Variants in SLC17A6 observed in about 807,000 individuals in gnomAD.
SLC17A6 encodes solute carrier family 17 member 6, also known as vesicular glutamate transporter 2.
SLC17A6 carries 35 observed loss-of-function variants against 67.1 expected under a neutral mutation model. That is an observed-to-expected ratio of 0.52 (90% CI 0.40 to 0.69). The LOEUF is 0.69. SLC17A6 is among the 30% of genes least tolerant of loss of function. The probability of loss-of-function intolerance (pLI) is 0.00; values close to 1 mark genes in which losing one functional copy is unlikely to be tolerated. For missense variants in SLC17A6, 588 were observed against 723.9 expected, an observed-to-expected ratio of 0.81 and a Z score of 2.15; for synonymous variants, 285 against 252.3, an observed-to-expected ratio of 1.13 and a Z score of -1.23.
At chr11:22,355,694 A>G (rs1378155060) in intron 3 of SLC17A6, among the ~76,000 whole-genome samples, 1 of 152,138 alleles carries the variant, frequency 6.6e-6, no homozygotes, top group African/African-American at 2.4e-5. Context: ...TCCTTCTCCT[A>G]AGAACCTGAG....
intron 2 of SLC17A6, 118 bp from the exon 3 acceptor site, chr11:22,343,129 C>G (rs1339327498): frequency 1.2e-6 from 1 of 827,558 alleles, no homozygotes; most frequent in Non-Finnish European, 2.0e-6. Context: ...CACTCTTATC[C>G]CCAGAATGCA....
At chr11:22,369,918 TCTTCCTA>T in intron 7 of SLC17A6, 114 bp from the exon 8 acceptor site, 1 of 850,782 alleles carries the variant, frequency 1.2e-6, no homozygotes, top group South Asian at 1.8e-5. Context: ...CTTCACTACA[TCTTCCTA>T]CTTCCTACTT....
At chr11:22,369,629 G>A (rs895171296) in intron 7 of SLC17A6, among the ~76,000 whole-genome samples, 1 of 151,620 alleles carries the variant, frequency 6.6e-6, no homozygotes, top group Non-Finnish European at 1.5e-5. Context: ...GATTTTCAAC[G>A]TTTTAAATGA....
At chr11:22,347,783 A>G (rs1469310766) in intron 3 of SLC17A6, among the ~76,000 whole-genome samples, 3 of 152,222 alleles carry the variant, frequency 2.0e-5, no homozygotes, top group African/African-American at 4.8e-5. Flanking sequence ...GATTCAGTAC[A>G]TCCAATCTTT....
At chr11:22,372,410 ATATAT>A (rs1449209096) in intron 8 of SLC17A6, among the ~76,000 whole-genome samples, 3 of 150,910 alleles carry the variant, frequency 2.0e-5, no homozygotes, top group Admixed American at 6.6e-5. Context: ...ATATAATTTA[ATATAT>A]TATATCAGCC....
At chr11:22,362,942 T>C in intron 6 of SLC17A6, 117 bp downstream of exon 6, 2 of 734,362 alleles carry the variant, frequency 2.7e-6, no homozygotes, top group South Asian at 1.7e-5. Flanking sequence ...ACTTATTTTC[T>C]TCTCTTAAGA....
intron 2 of SLC17A6, 150 bp downstream of exon 2, chr11:22,341,930 A>G: frequency 2.5e-6 from 3 of 1,183,706 alleles, no homozygotes; most frequent in Non-Finnish European, 3.5e-6. Context: ...TCTAGAATGG[A>G]CCCCAGTAGT....
Position 22,376,765 on chromosome 11 carries a change from T to C in SLC17A6, c.1413+93T>C. On this transcript the variant is annotated intron_variant, in intron 11 of 11. Transcript: ENST00000263160. ...AGAGTTAAAATATTATCCTTAGCAT[T>C]TTCTTTCTTGTCCAGTCACCACATC... 3 of 1,377,908 alleles carry C rather than the reference T, an allele frequency of 2.2e-6. No individual in the cohort carries two copies. In the South Asian group the frequency reaches 3.7e-5, roughly 17 times the overall value. 85.4% of individuals were successfully genotyped at this position (1,377,908 alleles called of 1,614,324 possible).
intron 9 of SLC17A6, among the ~76,000 whole-genome samples, chr11:22,375,612 C>A (rs1021501396): frequency 6.6e-6 from 1 of 151,818 alleles, no homozygotes; most frequent in African/African-American, 2.4e-5. Context: ...TCCCAAGTAG[C>A]TGGGTTTACA....
chr11:22,374,009 T>G (rs1856202652), intron 8 of SLC17A6, among the ~76,000 whole-genome samples: 1 of 152,206 alleles, frequency 6.6e-6, no homozygotes, highest in Non-Finnish European at 1.5e-5. Context: ...CAAAGTTTAT[T>G]AAGTCCACGT....
chr11:22,345,943 A>C (rs1293532019), intron 3 of SLC17A6, among the ~76,000 whole-genome samples: 1 of 152,238 alleles, frequency 6.6e-6, no homozygotes, highest in Non-Finnish European at 1.5e-5. Context: ...ACTTTTAATA[A>C]ACACAAAATC....
At chr11:22,343,120 A>G (rs1330247628) in intron 2 of SLC17A6, 127 bp from the exon 3 acceptor site, 1 of 779,236 alleles carries the variant, frequency 1.3e-6, no homozygotes, top group Non-Finnish European at 2.2e-6. Flanking sequence ...AAATGAAGCC[A>G]CTCTTATCCC....
chr11:22,370,597 C>T (rs961076626), intron 8 of SLC17A6, among the ~76,000 whole-genome samples: 2 of 152,136 alleles, frequency 1.3e-5, no homozygotes, highest in African/African-American at 4.8e-5. Context: ...CTTCAATGCT[C>T]TTAGAACTCT....
At chr11:22,364,312 C>G (rs1034339579) in intron 6 of SLC17A6, among the ~76,000 whole-genome samples, 4 of 152,040 alleles carry the variant, frequency 2.6e-5, no homozygotes, top group East Asian at 1.9e-4. Context: ...TACAATATCT[C>G]TCATTTTTTG....
chr11:22,366,202 A>G (rs1856110402), intron 7 of SLC17A6, among the ~76,000 whole-genome samples: 1 of 152,162 alleles, frequency 6.6e-6, no homozygotes, highest in African/African-American at 2.4e-5. Context: ...TAAGTGATTG[A>G]CCACAGTGAC....
chr11:22,342,649 A>G (rs1855830403), intron 2 of SLC17A6, among the ~76,000 whole-genome samples: 1 of 152,128 alleles, frequency 6.6e-6, no homozygotes, highest in Non-Finnish European at 1.5e-5. Flanking sequence ...CGTATTTATT[A>G]AAACCCCTGA....
In SLC17A6 at chr11:22,377,710, T is replaced by C. The variant is rs1416083209; in HGVS notation, c.1719T>C (p.His573=). The change falls in exon 12 of 12, where the codon CAT becomes CAC. Residue 573 remains histidine (H), a synonymous_variant. Coordinates refer to ENST00000263160, the MANE Select transcript of SLC17A6 (RefSeq NM_020346.3). Reference sequence around the variant, plus strand: ...TACAAGGAGAAGTACAAGACTCACATAGCTATAAGGACCGAGTTGATTATT... The same window carrying C: ...TACAAGGAGAAGTACAAGACTCACACAGCTATAAGGACCGAGTTGATTATT... ...EFVQGEVQDS[H]SYKDRVDYS 1 of 1,601,746 alleles carries C rather than the reference T, an allele frequency of 6.2e-7. No individual in the cohort carries two copies. The highest frequency in any genetic ancestry group is 1.7e-5 in the Admixed American group (1 of 57,936).
intron 3 of SLC17A6, among the ~76,000 whole-genome samples, chr11:22,358,423 G>T (rs1313503192): frequency 1.3e-5 from 2 of 152,170 alleles, no homozygotes; most frequent in Non-Finnish European, 2.9e-5. Flanking sequence ...TGCCTCCTGG[G>T]TTCACGCAAT....
At chr11:22,346,365 A>G (rs56917086) in intron 3 of SLC17A6, among the ~76,000 whole-genome samples, 33 of 152,300 alleles carry the variant, frequency 2.2e-4, no homozygotes, top group African/African-American at 5.1e-4. Flanking sequence ...CTTGGTCACA[A>G]TGCAGACTCC....
Sources: gnomAD v4.1 joint callset for allele counts (sites outside exome capture counted in the v4.1 genomes callset) on GRCh38, gnomAD v4.1.1 for gene constraint, MANE v1.5 for transcripts, NCBI Gene and HGNC (gene_info 2026-07-23, HGNC 2026-07-21) for gene names.